CTSS: variants seen among roughly 807,000 people sequenced by gnomAD.
The protein encoded by CTSS is cathepsin S.
A neutral mutation model predicts 39.9 loss-of-function variants in CTSS; 15 were observed. The ratio of observed to expected loss-of-function variants is 0.38; its 90% CI spans 0.25 to 0.58. The LOEUF is 0.58. Ranked by LOEUF, CTSS falls within the 20% of genes least tolerant of loss-of-function variation. CTSS has a pLI of 0.70. For missense variants in CTSS, 250 were observed against 398.2 expected, an observed-to-expected ratio of 0.63 and a Z score of 3.17; for synonymous variants, 126 against 138.2, an observed-to-expected ratio of 0.91 and a Z score of 0.62.
intron 7 of CTSS, among the ~76,000 whole-genome samples, chr1:150,745,981 T>C (rs1652886511): frequency 6.6e-6 from 1 of 152,178 alleles, no homozygotes; most frequent in South Asian, 2.1e-4. Flanking sequence ...ATTCCCAGAA[T>C]CTGTTCATCT....
intron 1 of CTSS, among the ~76,000 whole-genome samples, chr1:150,765,336 C>G (rs587606712): frequency 3.8e-4 from 58 of 151,068 alleles, no homozygotes; most frequent in Non-Finnish European, 8.8e-5. Context: ...AGGCAATTAA[C>G]TACTCTTTAA....
rs892237671 is a variant in CTSS at position 150,741,843 on chromosome 1, C to G, written c.896+5934G>C. On this transcript the variant is annotated intron_variant, in intron 7 of 7. Coordinates refer to ENST00000368985, the MANE Select transcript of CTSS (RefSeq NM_004079.5). Reference sequence around the variant, plus strand: ...TGAGCCGAGATTGTGCCACTGCACTCCAGCTTGGGAGACAGAGCGAGACTC... The same window carrying G: ...TGAGCCGAGATTGTGCCACTGCACTGCAGCTTGGGAGACAGAGCGAGACTC... Among the ~76,000 whole-genome samples, 4 of 151,090 alleles carry G rather than the reference C, an allele frequency of 2.6e-5. No individual in the cohort carries two copies. In the East Asian group the frequency reaches 5.8e-4, roughly 22 times the overall value.
chr1:150,758,209 C>G (rs587628027), intron 2 of CTSS, among the ~76,000 whole-genome samples: 95 of 152,200 alleles, frequency 6.2e-4, no homozygotes, highest in Admixed American at 1.3e-3. Context: ...GCCACCACGC[C>G]TAGCTAATTT....
chr1:150,735,516 C>T (rs72704603), intron 7 of CTSS, among the ~76,000 whole-genome samples: 55,007 of 151,942 alleles, frequency 0.36, 10,395 homozygotes, highest in South Asian at 0.54. Context: ...TTGTCAATGG[C>T]TCTCCATGCC....
At chr1:150,743,648 TG>T (rs1652823973) in intron 7 of CTSS, among the ~76,000 whole-genome samples, 1 of 94,442 alleles carries the variant, frequency 1.1e-5, no homozygotes. Context: ...ATATTATATA[TG>T]TATATTATGT....
intron 7 of CTSS, among the ~76,000 whole-genome samples, chr1:150,737,066 G>C (rs755611209): frequency 3.3e-5 from 5 of 151,926 alleles, no homozygotes; most frequent in Non-Finnish European, 5.9e-5. Context: ...TTATTATCCA[G>C]GTATGAGTAC....
At chr1:150,748,383 C>G (rs957255026) in intron 6 of CTSS, 17 of 152,056 alleles carry the variant, frequency 1.1e-4, no homozygotes, top group African/African-American at 3.9e-4. Flanking sequence ...AGTGTTCTTG[C>G]CAAGCTTAGC....
chr1:150,747,842 A>G lies in CTSS; in HGVS notation c.831T>C (p.Asn277=). 3 of 1,613,936 alleles carry G rather than the reference A, an allele frequency of 1.9e-6. 1 individual carries two copies. The highest frequency in any genetic ancestry group is 2.2e-5 in the South Asian group (2 of 91,076). ...CATAGCCAACCACAAGTACACCATG[A>G]TTCACATTCTGAGTACAGGATGGTT... is the stretch of plus-strand genomic sequence containing the variant. ...YYEPSCTQNV[N]HGVLVVGYGD... Residue 277 remains asparagine (N), a synonymous_variant, in exon 7 of 8, where the codon AAT becomes AAC. Transcript: ENST00000368985.
chr1:150,733,212 C>T (rs1652562294), intron 7 of CTSS, 67 bp from the exon 8 acceptor site: 2 of 1,240,872 alleles, frequency 1.6e-6, no homozygotes, highest in South Asian at 2.6e-5. Context: ...AACTTTTTAT[C>T]TCATTGTTTT....
At chr1:150,751,751 G>A (rs2101920298) in intron 5 of CTSS, 30 bp downstream of exon 5, 1 of 1,593,712 alleles carries the variant, frequency 6.3e-7, no homozygotes, top group Non-Finnish European at 8.6e-7. Context: ...GAGATCATGG[G>A]GCAGCACAAA....
rs1234149236 is a variant in CTSS, at chr1:150,731,393, A to G, written c.*1653T>C. On this transcript the variant is annotated 3_prime_UTR_variant, in exon 8 of 8. Coordinates refer to ENST00000368985, the MANE Select transcript of CTSS (RefSeq NM_004079.5). ...ACAGAGTGAGACTCCGTCTCAAAAA[A>G]CAAAACAAAACTGAAAAGTAATCAA... 1 of 152,270 alleles carries G rather than the reference A, an allele frequency of 6.6e-6. No individual in the cohort carries two copies. Among genetic ancestry groups the G allele is most frequent in the East Asian group, 1.9e-4 (1 of 5,208 alleles). The allele number at this position is 152,270 out of a possible 1,614,324, so 9.4% of individuals were successfully genotyped here. A position where few individuals can be genotyped will look rare whatever the true frequency, so the allele number is the denominator to read the frequency against.
intron 4 of CTSS, among the ~76,000 whole-genome samples, chr1:150,752,835 T>C (rs1653033791): frequency 6.6e-6 from 1 of 152,100 alleles, no homozygotes; most frequent in South Asian, 2.1e-4. Context: ...AATAAGAGAT[T>C]AGCAGTACCA....
chr1:150,754,972 G>A (rs1653089127), intron 4 of CTSS, 29 bp downstream of exon 4: 1 of 1,605,752 alleles, frequency 6.2e-7, no homozygotes, highest in African/African-American at 1.3e-5. Context: ...TCTACCTAGG[G>A]TTCAGAGGCT....
chr1:150,744,550 T>C (rs587660784), intron 7 of CTSS, among the ~76,000 whole-genome samples: 57 of 118,688 alleles, frequency 4.8e-4, no homozygotes, highest in African/African-American at 1.9e-3. Flanking sequence ...TATTATATAT[T>C]ATATATGTAT....
In CTSS at chr1:150,759,686, C is replaced by A. The variant is rs140761717; in HGVS notation, c.127-1706G>T. Reference sequence around the variant, plus strand: ...CAGAGTGAATTTACATGCTGACCGACGATTTTCTTGTCCTTCAGGAGATTC... The same window carrying A: ...CAGAGTGAATTTACATGCTGACCGAAGATTTTCTTGTCCTTCAGGAGATTC... On this transcript the variant is annotated intron_variant, in intron 2 of 7. Coordinates refer to ENST00000368985, the MANE Select transcript of CTSS (RefSeq NM_004079.5). Among the ~76,000 whole-genome samples, 742 of 152,148 alleles carry A rather than the reference C, an allele frequency of 4.9e-3. 6 individuals are homozygous for A. The highest frequency in any genetic ancestry group is 6.6e-3 in the Non-Finnish European group (447 of 67,998).
At chr1:150,764,892 C>G (rs587652178) in intron 1 of CTSS, 128 bp from the exon 2 acceptor site, 1 of 1,091,846 alleles carries the variant, frequency 9.2e-7, no homozygotes, top group South Asian at 1.6e-5. Flanking sequence ...CAGAATTATA[C>G]AGGAAAATTC....
Position 150,731,057 on chromosome 1 carries a change from C to T in CTSS, c.*1989G>A, listed in dbSNP as rs1411684179. ...CCATGTTTTTATTCTACTTTCAATA[C>T]TTGAAAAGTTGTGGATAAAACAAAA... On this transcript the variant is annotated 3_prime_UTR_variant, in exon 8 of 8. Transcript: ENST00000368985. 6.6e-6 allele frequency: 1 copy of T among 152,098 alleles called. No individual in the cohort carries two copies. The highest frequency in any genetic ancestry group is 2.4e-5 in the African/African-American group (1 of 41,416). The allele number at this position is 152,098 out of a possible 1,614,324, so 9.4% of individuals were successfully genotyped here.
intron 2 of CTSS, among the ~76,000 whole-genome samples, chr1:150,760,854 C>T (rs1378540420): frequency 1.3e-5 from 2 of 150,232 alleles, no homozygotes; most frequent in Non-Finnish European, 2.9e-5. Context: ...TCACTCCAAC[C>T]TGGGTGACAG....
rs147260142 is a variant in CTSS at position 150,750,110 on chromosome 1, A to G, written c.689T>C (p.Leu230Pro). The change falls in exon 6 of 8, where the codon CTT becomes CCT. Residue 230 changes from leucine (L) to proline (P), a missense_variant. By Grantham distance (98) the Leu-to-Pro change is moderately conservative (BLOSUM62 -3). Coordinates refer to ENST00000368985, the MANE Select transcript of CTSS (RefSeq NM_004079.5). ...CAGGACATCTTCTCTGCCATAAGGA[A>G]GTTCAGTGTACTTTGAACATGTGGC... ...RAATCSKYTE[L>P]PYGREDVLKE... is the part of the protein sequence containing the mutation. 1 of 1,613,846 alleles carries G rather than the reference A, an allele frequency of 6.2e-7. No individual in the cohort carries two copies. Among genetic ancestry groups the G allele is most frequent in the African/African-American group, 1.3e-5 (1 of 74,922 alleles).
Sources: allele counts gnomAD v4.1 joint callset (sites outside exome capture counted in the v4.1 genomes callset), GRCh38; gene constraint gnomAD v4.1.1; transcripts MANE v1.5; gene names NCBI Gene and HGNC (gene_info 2026-07-23, HGNC 2026-07-21).